TSPYL4: variants seen among roughly 807,000 people sequenced by gnomAD.
TSPYL4 encodes testis-specific Y-encoded-like protein 4.
A neutral mutation model predicts 24.2 loss-of-function variants in TSPYL4; 22 were observed. The observed-to-expected ratio is 0.91, with a 90% confidence interval of 0.65 to 1.30. The LOEUF is 1.30. Among genes scored for constraint, TSPYL4 ranks in the 50% most tolerant of loss-of-function variants. The pLI is 0.00. For missense variants in TSPYL4, 569 were observed against 536.7 expected (o/e 1.06, Z -0.60); for synonymous variants, 211 against 208.2 (o/e 1.01, Z -0.12).
At position 116,250,588 on chromosome 6, in the gene TSPYL4, G is replaced by T. The variant is rs1037427857; in HGVS notation, c.*2176C>A. ...TGAATTCAAGGACTTAGGAAAAATT[G>T]AAGGAAAATCTTCCTCCAAGCATGC... On this transcript the variant is annotated 3_prime_UTR_variant, in exon 1 of 1. Transcript: ENST00000420283. 2 of 152,196 alleles carry T rather than the reference G, an allele frequency of 1.3e-5. No individual in the cohort carries two copies. The highest frequency in any genetic ancestry group is 2.1e-4 in the South Asian group (1 of 4,824). 9.4% of individuals were successfully genotyped at this position (152,196 alleles called of 1,614,324 possible).
chr6:116,253,604 G>T lies in TSPYL4; in HGVS notation c.405C>A (p.Gly135=), dbSNP rs1375421512. ...PAGQKALEAC[G]AGGLGSQMIP... is the part of the protein sequence containing the mutation. ...TCATCTGAGACCCCAAGCCCCCTGC[G>T]CCACAGGCTTCTAGAGCCTTCTGCC... is the stretch of plus-strand genomic sequence containing the variant. The change falls in exon 1 of 1, where the codon GGC becomes GGA. Residue 135 remains glycine, a synonymous_variant. Transcript: ENST00000420283. This position sits in a 1 kb window ranked among gnomAD's most constrained non-coding sequence, Gnocchi z 4.3. 3 of 1,552,754 alleles carry T rather than the reference G, an allele frequency of 1.9e-6. No homozygotes were observed. Among genetic ancestry groups the T allele is most frequent in the Middle Eastern group, 1.7e-4 (1 of 6,016 alleles).
Position 116,253,105 on chromosome 6 carries a change from C to A in TSPYL4, c.904G>T (p.Gly302Cys). The A allele has an allele frequency of 6.2e-7, 1 of 1,613,994 alleles. No individual in the cohort carries two copies. The highest frequency in any genetic ancestry group is 8.5e-7 in the Non-Finnish European group (1 of 1,179,998). ...AGCKFKFIFQ[G>C]NPYFRNEGLV... is the part of the protein sequence containing the mutation. Reference sequence around the variant, plus strand: ...CCCTCATTTCGGAAGTAGGGGTTGCCCTGAAAGATGAACTTGAATTTGCAG... The same window carrying A: ...CCCTCATTTCGGAAGTAGGGGTTGCACTGAAAGATGAACTTGAATTTGCAG... Residue 302 changes from glycine to cysteine, a missense_variant, in exon 1 of 1, where the codon GGC becomes TGC. Physicochemically the swap from Gly to Cys is radical, Grantham distance 159 (BLOSUM62 -3). Transcript: ENST00000420283. The surrounding 1 kb of genome is among the most constrained non-coding windows in gnomAD (Gnocchi z 4.3).
At position 116,253,921 on chromosome 6, in the gene TSPYL4, G is replaced by C. The variant is rs75652959; in HGVS notation, c.88C>G (p.Arg30Gly). The change falls in exon 1 of 1, where the codon CGA becomes GGA. Residue 30 changes from arginine to glycine, a missense_variant. Transcript: ENST00000420283. The surrounding 1 kb of genome is among the most constrained non-coding windows in gnomAD (Gnocchi z 4.3). ...APDHASGDPD[R>G]DQCQGLREET... Reference sequence around the variant, plus strand: ...TCACGGAGCCCTTGGCACTGGTCTCGGTCCGGATCTCCTGAGGCATGGTCG... The same window carrying C: ...TCACGGAGCCCTTGGCACTGGTCTCCGTCCGGATCTCCTGAGGCATGGTCG... 1 of 1,613,618 alleles carries C rather than the reference G, an allele frequency of 6.2e-7. No homozygotes were observed. The highest frequency in any genetic ancestry group is 1.7e-5 in the Admixed American group (1 of 59,980).
chr6:116,253,963 C>G lies in TSPYL4; in HGVS notation c.46G>C (p.Gly16Arg), dbSNP rs1562184322. ...GCATGGTCGGGAGCAGCCAGGCCGC[C>G]GGTTTGGGCGAGAGGGAGCTTGTTG... ...GGNKLPLAQTGGLAAPDHASG... is the reference protein window; with the variant it reads ...GGNKLPLAQTRGLAAPDHASG... The change falls in exon 1 of 1, where the codon GGC becomes CGC. Residue 16 changes from glycine to arginine, a missense_variant. Coordinates refer to ENST00000420283, the MANE Select transcript of TSPYL4 (RefSeq NM_021648.5). This position sits in a 1 kb window ranked among gnomAD's most constrained non-coding sequence, Gnocchi z 4.3. The G allele has an allele frequency of 1.2e-6, 2 of 1,601,636 alleles. No individual in the cohort carries two copies. The highest frequency in any genetic ancestry group is 1.7e-6 in the Non-Finnish European group (2 of 1,173,966).
chr6:116,253,596 C>G lies in TSPYL4; in HGVS notation c.413G>C (p.Gly138Ala). The change falls in exon 1 of 1, where the codon GGC (glycine) becomes GCC (alanine). Residue 138 changes from glycine to alanine, a missense_variant. Transcript: ENST00000420283. This position sits in a 1 kb window ranked among gnomAD's most constrained non-coding sequence, Gnocchi z 4.3. The stretch of plus-strand genomic sequence containing the variant: ...CCCCGGTATCATCTGAGACCCCAAG[C>G]CCCCTGCGCCACAGGCTTCTAGAGC... ...QKALEACGAG[G>A]LGSQMIPGKK... 1 of 1,552,462 alleles carries G rather than the reference C, an allele frequency of 6.4e-7. No homozygotes were observed. Among genetic ancestry groups the G allele is most frequent in the South Asian group, 1.2e-5 (1 of 84,116 alleles).
Position 116,253,500 on chromosome 6 carries a change from C to G in TSPYL4, c.509G>C (p.Gly170Ala). The change falls in exon 1 of 1, where the codon GGG becomes GCG. Residue 170 changes from glycine to alanine, a missense_variant. Physicochemically the swap from Gly to Ala is moderately conservative, Grantham distance 60. Transcript: ENST00000420283. This position sits in a 1 kb window ranked among gnomAD's most constrained non-coding sequence, Gnocchi z 4.3. ...SAAVEKEGEA[G>A]AAMEEKKVVQ... is the part of the protein sequence containing the mutation. ...TACCTTCTTTTCCTCCATCGCCGCC[C>G]CTGCTTCTCCCTCCTTTTCCACTGC... 2 of 1,551,832 alleles carry G rather than the reference C, an allele frequency of 1.3e-6. No individual in the cohort carries two copies. The highest frequency in any genetic ancestry group is 1.7e-6 in the Non-Finnish European group (2 of 1,147,024).
rs779064603 is a variant in TSPYL4 at position 116,252,719 on chromosome 6, G to A, written c.*45C>T. On this transcript the variant is annotated 3_prime_UTR_variant, in exon 1 of 1. Transcript: ENST00000420283. ...TGTTGGCCAAGCATAGGTCCAAGAG[G>A]AGGTGGTAAGGAAACTTGTGCAGAA... The A allele has an allele frequency of 6.6e-7, 1 of 1,514,734 alleles. No individual in the cohort carries two copies. The highest frequency in any genetic ancestry group is 8.8e-7 in the Non-Finnish European group (1 of 1,130,438). The allele number at this position is 1,514,734 out of a possible 1,614,324, so 93.8% of individuals were successfully genotyped here.
In TSPYL4 at chr6:116,253,979, G is replaced by A; in HGVS notation, c.30C>T (p.Leu10=). Residue 10 remains leucine, a synonymous_variant, in exon 1 of 1, where the codon CTC becomes CTT. Coordinates refer to ENST00000420283, the MANE Select transcript of TSPYL4 (RefSeq NM_021648.5). This position sits in a 1 kb window ranked among gnomAD's most constrained non-coding sequence, Gnocchi z 4.3. ...CCAGGCCGCCGGTTTGGGCGAGAGG[G>A]AGCTTGTTGCCCCCATCCAGGCCGC... The part of the protein sequence containing the change: MSGLDGGNK[L]PLAQTGGLAA... The A allele has an allele frequency of 3.8e-6, 6 of 1,594,422 alleles. No homozygotes were observed. The highest frequency in any genetic ancestry group is 5.1e-6 in the Non-Finnish European group (6 of 1,169,664).
In TSPYL4 at chr6:116,252,773, C is replaced by T; in HGVS notation, c.1236G>A (p.Gln412=). 1.9e-6 allele frequency: 3 copies of T among 1,593,672 alleles called. No homozygotes were observed. The highest frequency in any genetic ancestry group is 2.6e-6 in the Non-Finnish European group (3 of 1,169,082). ...PVESARSFRF[Q]SG ...TCTCACAGGACAGAGATTAGCCAGA[C>T]TGGAACCTGAAGGATCTGGCGCTCT... The change falls in exon 1 of 1, where the codon CAG becomes CAA. Residue 412 remains glutamine, a synonymous_variant. Transcript: ENST00000420283.
chr6:116,253,855 C>A lies in TSPYL4; in HGVS notation c.154G>T (p.Gly52Cys). ...ATQVMANTGG[G>C]SLETVAEGGA... ...CCCTCCGCAACGGTCTCCAGGCTGCCCCCACCTGTGTTCGCCATCACCTGT... is the reference window on the plus strand; with the variant it reads ...CCCTCCGCAACGGTCTCCAGGCTGCACCCACCTGTGTTCGCCATCACCTGT... The change falls in exon 1 of 1, where the codon GGC (glycine) becomes TGC (cysteine). Residue 52 changes from glycine to cysteine, a missense_variant. Physicochemically the swap from Gly to Cys is radical, Grantham distance 159. Coordinates refer to ENST00000420283, the MANE Select transcript of TSPYL4 (RefSeq NM_021648.5). The surrounding 1 kb of genome is among the most constrained non-coding windows in gnomAD (Gnocchi z 4.3). 1 of 1,613,550 alleles carries A rather than the reference C, an allele frequency of 6.2e-7. No homozygotes were observed. The highest frequency in any genetic ancestry group is 8.5e-7 in the Non-Finnish European group (1 of 1,179,750).
At position 116,250,056 on chromosome 6, in the gene TSPYL4, C is replaced by G. The variant is rs528060785; in HGVS notation, c.*2708G>C. 4 of 152,058 alleles carry G rather than the reference C, an allele frequency of 2.6e-5. No homozygotes were observed. In the South Asian group the frequency reaches 8.3e-4, roughly 32 times the overall value. 9.4% of individuals were successfully genotyped at this position (152,058 alleles called of 1,614,324 possible). A position where few individuals can be genotyped will look rare whatever the true frequency, so the allele number is the denominator to read the frequency against. ...AAGCACATGGGAGAAGACAAAAGTA[C>G]TAAATGATCATTGAGTTTGACAGAG... is the stretch of plus-strand genomic sequence containing the variant. On this transcript the variant is annotated 3_prime_UTR_variant, in exon 1 of 1. Transcript: ENST00000420283.
chr6:116,253,361 G>C lies in TSPYL4; in HGVS notation c.648C>G (p.Asn216Lys). The C allele has an allele frequency of 1.3e-6, 2 of 1,555,758 alleles. No individual in the cohort carries two copies. The highest frequency in any genetic ancestry group is 1.7e-6 in the Non-Finnish European group (2 of 1,149,158). The change falls in exon 1 of 1, where the codon AAC becomes AAG. Residue 216 changes from asparagine to lysine, a missense_variant. By Grantham distance (94) the Asn-to-Lys change is moderately conservative. Transcript: ENST00000420283. This position sits in a 1 kb window ranked among gnomAD's most constrained non-coding sequence, Gnocchi z 4.3. ...AGGCCCTGTCAGCCTGGGCATTTAC[G>C]TTTGACAACTCTTGATCGATGGCCT... ...SLEAIDQELS[N>K]VNAQADRAFL...
rs1771936811 is a variant in TSPYL4 at position 116,250,830 on chromosome 6, C to G, written c.*1934G>C. The G allele has an allele frequency of 5.5e-6, 1 of 180,406 alleles. No homozygotes were observed. Among genetic ancestry groups the G allele is most frequent in the South Asian group, 2.0e-4 (1 of 5,048 alleles). 11.2% of individuals were successfully genotyped at this position (180,406 alleles called of 1,614,324 possible). ...CTCAGGTAGCTTAGGGCAAGGCCTT[C>G]AAAACCAAAGGGGAAAAGGGTGATG... is the stretch of plus-strand genomic sequence containing the variant. On this transcript the variant is annotated 3_prime_UTR_variant, in exon 1 of 1. Coordinates refer to ENST00000420283, the MANE Select transcript of TSPYL4 (RefSeq NM_021648.5).
rs753855600 is a variant in TSPYL4 at position 116,253,796 on chromosome 6, G to A, written c.213C>T (p.Pro71=). The A allele has an allele frequency of 1.3e-5, 21 of 1,604,634 alleles. No individual in the cohort carries two copies. Among genetic ancestry groups the A allele is most frequent in the Admixed American group, 1.7e-5 (1 of 58,974 alleles). ...GASQDPVDCG[P]ALRVPVAGSR... ...TCCCGGCAACTGGGACGCGGAGCGC[G>A]GGGCCACAGTCGACAGGATCCTGGG... The change falls in exon 1 of 1, where the codon CCC becomes CCT. Residue 71 remains proline, a synonymous_variant. Coordinates refer to ENST00000420283, the MANE Select transcript of TSPYL4 (RefSeq NM_021648.5). This position sits in a 1 kb window ranked among gnomAD's most constrained non-coding sequence, Gnocchi z 4.3.
In TSPYL4 at chr6:116,253,475, T is replaced by TA; in HGVS notation, c.533dup (p.Val179SerfsTer24). ...CTGCCACCTTTTTTTCCTTCTGCAC[T>TA]ACCTTCTTTTCCTCCATCGCCGCCC... On this transcript the variant is annotated frameshift_variant, in exon 1 of 1. Transcript: ENST00000420283. LOFTEE classifies it high-confidence loss of function. The surrounding 1 kb of genome is among the most constrained non-coding windows in gnomAD (Gnocchi z 4.3). 1.3e-6 allele frequency: 2 copies of TA among 1,551,712 alleles called. No individual in the cohort carries two copies. Among genetic ancestry groups the TA allele is most frequent in the South Asian group, 2.4e-5 (2 of 84,058 alleles).
In TSPYL4 at chr6:116,253,662, C is replaced by A. The variant is rs752625664; in HGVS notation, c.347G>T (p.Gly116Val). The change falls in exon 1 of 1, where the codon GGC becomes GTC. Residue 116 changes from glycine (G) to valine (V), a missense_variant. Physicochemically the swap from Gly to Val is moderately radical, Grantham distance 109 (BLOSUM62 -3). Transcript: ENST00000420283. The surrounding 1 kb of genome is among the most constrained non-coding windows in gnomAD (Gnocchi z 4.3). ...AEAADSSQKN[G>V]CQLGEPRGPA... The stretch of plus-strand genomic sequence containing the variant: ...GCCACGGGGCTCTCCAAGCTGACAG[C>A]CATTTTTCTGGCTGCTGTCAGCAGC... The A allele has an allele frequency of 1.3e-6, 2 of 1,556,458 alleles. No individual in the cohort carries two copies. Among genetic ancestry groups the A allele is most frequent in the Non-Finnish European group, 1.7e-6 (2 of 1,148,420 alleles).
chr6:116,251,427 A>G lies in TSPYL4; in HGVS notation c.*1337T>C, dbSNP rs1030877711. 7.6e-6 allele frequency: 3 copies of G among 393,656 alleles called. No homozygotes were observed. Among genetic ancestry groups the G allele is most frequent in the Non-Finnish European group, 4.5e-6 (1 of 223,626 alleles). 24.4% of individuals were successfully genotyped at this position (393,656 alleles called of 1,614,324 possible). A position where few individuals can be genotyped will look rare whatever the true frequency, so the allele number is the denominator to read the frequency against. On this transcript the variant is annotated 3_prime_UTR_variant, in exon 1 of 1. Coordinates refer to ENST00000420283, the MANE Select transcript of TSPYL4 (RefSeq NM_021648.5). Reference sequence around the variant, plus strand: ...CTGCCTATAACTAAACAATTAACCTATAGGTCTCCCTTTGAAACTTTCAGA... The same window carrying G: ...CTGCCTATAACTAAACAATTAACCTGTAGGTCTCCCTTTGAAACTTTCAGA...
Position 116,253,708 on chromosome 6 carries a change from C to T in TSPYL4, c.301G>A (p.Glu101Lys), listed in dbSNP as rs868839630. Residue 101 changes from glutamate to lysine, a missense_variant, in exon 1 of 1, where the codon GAA becomes AAA. By Grantham distance (56) the Glu-to-Lys change is moderately conservative. Coordinates refer to ENST00000420283, the MANE Select transcript of TSPYL4 (RefSeq NM_021648.5). This position sits in a 1 kb window ranked among gnomAD's most constrained non-coding sequence, Gnocchi z 4.3. ...GCAGCCTCGGCGGCAGAGGCTGCTT[C>T]CAGACCTTTCGTAGAAGGTGGAGCA... ...EDAPPSTKGLEAASAAEAADS... is the reference protein window; with the variant it reads ...EDAPPSTKGLKAASAAEAADS... 1 of 1,566,968 alleles carries T rather than the reference C, an allele frequency of 6.4e-7. No individual in the cohort carries two copies.
chr6:116,253,186 T>G lies in TSPYL4; in HGVS notation c.823A>C (p.Met275Leu), dbSNP rs1338220802. 3.1e-6 allele frequency: 5 copies of G among 1,613,960 alleles called. No individual in the cohort carries two copies. Among genetic ancestry groups the G allele is most frequent in the Admixed American group, 3.3e-5 (2 of 60,002 alleles). ...TCCAAATTGATCATGTACCTCAGCA[T>G]GTCTTCATCTTGGCCACTGATCATA... ...SPMISGQDED[M>L]LRYMINLEVE... The change falls in exon 1 of 1, where the codon ATG becomes CTG. Residue 275 changes from methionine (M) to leucine (L), a missense_variant. Transcript: ENST00000420283. The surrounding 1 kb of genome is among the most constrained non-coding windows in gnomAD (Gnocchi z 4.3).
Sources: allele counts gnomAD v4.1 joint callset, GRCh38; gene constraint gnomAD v4.1.1; non-coding constraint Gnocchi (gnomAD v3.1); transcripts MANE v1.5; gene names NCBI Gene and HGNC (gene_info 2026-07-23, HGNC 2026-07-21).